The following XPNPEP3 variants were observed in gnomAD, a reference collection of about 807,000 sequenced individuals.
The protein encoded by XPNPEP3 is xaa-Pro aminopeptidase 3.
In XPNPEP3, 41 loss-of-function variants were observed where a neutral mutation model predicts 60.0. That is an observed-to-expected ratio of 0.68 (90% confidence interval 0.53 to 0.89). The LOEUF is 0.89. Among genes scored for constraint, XPNPEP3 ranks in the 40% least tolerant of loss-of-function variants. The pLI is 0.00. For missense variants in XPNPEP3, 598 were observed against 638.9 expected, an observed-to-expected ratio of 0.94 and a Z score of 0.69; for synonymous variants, 212 against 223.2, an observed-to-expected ratio of 0.95 and a Z score of 0.45.
chr22:40,920,484 G>T (rs2058212331), intron 7 of XPNPEP3, among the ~76,000 whole-genome samples: 3 of 152,156 alleles, frequency 2.0e-5, no homozygotes, highest in Non-Finnish European at 1.5e-5. Context: ...CTCAGGCAGG[G>T]TTTATATTAT....
intron 1 of XPNPEP3, among the ~76,000 whole-genome samples, chr22:40,866,308 T>G (rs1328474414): frequency 6.6e-6 from 1 of 151,938 alleles, no homozygotes; most frequent in Admixed American, 6.6e-5. Flanking sequence ...TTAGCAATTA[T>G]GTGAAGTGTA....
At chr22:40,920,781 A>C (rs1045089855) in intron 7 of XPNPEP3, among the ~76,000 whole-genome samples, 1 of 151,992 alleles carries the variant, frequency 6.6e-6, no homozygotes, top group Non-Finnish European at 1.5e-5. Context: ...TGGAAACCTC[A>C]TGCAGTTCTT....
chr22:40,908,544 G>GAT (rs1296362951), intron 5 of XPNPEP3, among the ~76,000 whole-genome samples: 1 of 152,142 alleles, frequency 6.6e-6, no homozygotes, highest in Non-Finnish European at 1.5e-5. Flanking sequence ...AAGTGCTGTA[G>GAT]ATAGTAGCAG....
intron 6 of XPNPEP3, among the ~76,000 whole-genome samples, chr22:40,913,305 G>A (rs1487573975): frequency 1.3e-5 from 2 of 151,860 alleles, no homozygotes; most frequent in Non-Finnish European, 2.9e-5. Context: ...AGGTGTGGTG[G>A]CGGGCACCTG....
chr22:40,910,494 C>G (rs1476872262), intron 6 of XPNPEP3, among the ~76,000 whole-genome samples: 1 of 151,286 alleles, frequency 6.6e-6, no homozygotes, highest in African/African-American at 2.4e-5. Flanking sequence ...CCCTTGAATG[C>G]AGGAGTTCAA....
intron 6 of XPNPEP3, among the ~76,000 whole-genome samples, chr22:40,910,182 G>C (rs1022326634): frequency 2.0e-5 from 3 of 151,008 alleles, no homozygotes; most frequent in Admixed American, 2.0e-4. Flanking sequence ...GTCGATTTTA[G>C]AGCTAGAACA....
intron 4 of XPNPEP3, among the ~76,000 whole-genome samples, chr22:40,902,246 ATT>A (rs140967240): frequency 5.0e-4 from 32 of 64,328 alleles, no homozygotes; most frequent in South Asian, 1.0e-3. Flanking sequence ...TGCCTGGCTA[ATT>A]TTTTTTTTTT....
At chr22:40,861,128 A>G (rs1483092900) in intron 1 of XPNPEP3, 5 of 1,612,360 alleles carry the variant, frequency 3.1e-6, no homozygotes, top group Non-Finnish European at 4.2e-6. Context: ...TCCTCTTACC[A>G]CCCTCTTTGA....
intron 2 of XPNPEP3, among the ~76,000 whole-genome samples, chr22:40,877,932 T>A (rs1316791073): frequency 6.6e-6 from 1 of 152,256 alleles, no homozygotes; most frequent in East Asian, 1.9e-4. Context: ...TGTTTCTGGG[T>A]ACAGTGGCTC....
intron 4 of XPNPEP3, 79 bp from the exon 5 acceptor site, chr22:40,907,508 T>G: frequency 2.3e-4 from 327 of 1,413,394 alleles, no homozygotes; most frequent in Non-Finnish European, 2.9e-4. Context: ...GCTTTTCATT[T>G]GAGCTCCAGT....
Position 40,926,295 on chromosome 22 carries a change from G to C in XPNPEP3, c.1384G>C (p.Asp462His). Residue 462 changes from aspartate (D) to histidine (H), a missense_variant, in exon 10 of 10, where the codon GAT becomes CAT. Physicochemically the swap from Asp to His is moderately conservative, Grantham distance 81. Transcript: ENST00000357137. ...CATTTATATTCCAGAGGATGACAAA[G>C]ATGCCCCAGAGAAGTTTCGGGGTCT... ...PGIYIPEDDK[D>H]APEKFRGLGV... The C allele has an allele frequency of 6.2e-7, 1 of 1,614,152 alleles. No homozygotes were observed. The highest frequency in any genetic ancestry group is 1.1e-5 in the South Asian group (1 of 91,084).
At chr22:40,900,707 T>A (rs1017530575) in intron 4 of XPNPEP3, among the ~76,000 whole-genome samples, 1 of 151,984 alleles carries the variant, frequency 6.6e-6, no homozygotes, top group African/African-American at 2.4e-5. Context: ...GGTGGATGGA[T>A]CTTTTGAGCC....
chr22:40,874,548 C>T (rs1242223712), intron 2 of XPNPEP3, among the ~76,000 whole-genome samples: 1 of 152,054 alleles, frequency 6.6e-6, no homozygotes, highest in Non-Finnish European at 1.5e-5. Flanking sequence ...GTCTCAACCT[C>T]CTGAATAGCT....
Position 40,930,802 on chromosome 22 carries a change from C to G in XPNPEP3, c.*4367C>G, listed in dbSNP as rs916505695. 2 of 151,970 alleles carry G rather than the reference C, an allele frequency of 1.3e-5. No homozygotes were observed. Among genetic ancestry groups the G allele is most frequent in the African/African-American group, 4.8e-5 (2 of 41,334 alleles). The allele number at this position is 151,970 out of a possible 1,614,324, so 9.4% of individuals were successfully genotyped here. A position where few individuals can be genotyped will look rare whatever the true frequency, so the allele number is the denominator to read the frequency against. ...GCCAGGCTGGTCTTGATCTCCTGAC[C>G]TTGTGATCCACCCACCTCAGCTTCC... On this transcript the variant is annotated 3_prime_UTR_variant, in exon 10 of 10. Transcript: ENST00000357137.
chr22:40,864,880 C>A (rs2057970359), intron 1 of XPNPEP3, among the ~76,000 whole-genome samples: 1 of 152,164 alleles, frequency 6.6e-6, no homozygotes, highest in Non-Finnish European at 1.5e-5. Context: ...AGGTCTTAGC[C>A]TTATTTTACC....
intron 1 of XPNPEP3, chr22:40,861,705 A>C (rs374702950): frequency 1.1e-5 from 17 of 1,614,124 alleles, no homozygotes; most frequent in Non-Finnish European, 1.4e-5. Context: ...AATTTCTTTA[A>C]AAACATCATC....
chr22:40,874,897 G>A (rs1034639527), intron 2 of XPNPEP3, among the ~76,000 whole-genome samples: 1 of 152,138 alleles, frequency 6.6e-6, no homozygotes. Flanking sequence ...TGCCTCTGTA[G>A]TCTCATCCCC....
intron 1 of XPNPEP3, chr22:40,861,514 CCTGTGATGTATATCCTGTATCATATG>C (rs758796853): frequency 6.8e-6 from 11 of 1,614,074 alleles, no homozygotes; most frequent in Non-Finnish European, 8.5e-6. Context: ...CCCAATGAAC[CCTGTGATGTATATCCTGTATCATATG>C]AAGAAAATTT....
rs1260726149 is a variant in XPNPEP3 at position 40,926,475 on chromosome 22, G to T, written c.*40G>T. On this transcript the variant is annotated 3_prime_UTR_variant, in exon 10 of 10. Coordinates refer to ENST00000357137, the MANE Select transcript of XPNPEP3 (RefSeq NM_022098.4). Reference sequence around the variant, plus strand: ...CACATGCACCTCAGGTTCAAAATGGGTGTCTTCTGGCAGCCCTGCACGTGT... The same window carrying T: ...CACATGCACCTCAGGTTCAAAATGGTTGTCTTCTGGCAGCCCTGCACGTGT... The T allele has an allele frequency of 2.5e-6, 4 of 1,611,236 alleles. No individual in the cohort carries two copies. Among genetic ancestry groups the T allele is most frequent in the Non-Finnish European group, 3.4e-6 (4 of 1,178,110 alleles).
Sources: allele counts gnomAD v4.1 joint callset (sites outside exome capture counted in the v4.1 genomes callset), GRCh38; gene constraint gnomAD v4.1.1; transcripts MANE v1.5; gene names NCBI Gene and HGNC (gene_info 2026-07-23, HGNC 2026-07-21).